The following KLRF2 variants were observed in gnomAD, a reference collection of about 807,000 sequenced individuals.
KLRF2 encodes killer cell lectin like receptor F2, also known as killer cell lectin-like receptor subfamily F member 2.
Under a neutral mutation model 25.3 loss-of-function variants are expected in KLRF2, and 28 were observed. That is an observed-to-expected ratio of 1.11 (90% CI 0.82 to 1.52). The LOEUF (loss-of-function observed/expected upper bound fraction) is 1.52, where lower values mean the gene tolerates loss of function less well. KLRF2 is among the 40% of genes most tolerant of loss of function. KLRF2 has a pLI of 0.00. For missense variants in KLRF2, 265 were observed against 245.8 expected (o/e 1.08, Z -0.52); for synonymous variants, 73 against 85.0 (o/e 0.86, Z 0.78).
At chr12:9,888,874 C>A in intron 3 of KLRF2, 94 bp downstream of exon 3, 3 of 655,120 alleles carry the variant, frequency 4.6e-6, no homozygotes, top group South Asian at 4.0e-5. Context: ...ACACAGTAAG[C>A]CAACAGCACT....
intron 1 of KLRF2, among the ~76,000 whole-genome samples, chr12:9,882,152 T>C (rs1030370013): frequency 6.6e-6 from 1 of 152,194 alleles, no homozygotes; most frequent in Non-Finnish European, 1.5e-5. Context: ...TTAGGGCTGC[T>C]CTGTGGTTGG....
intron 3 of KLRF2, among the ~76,000 whole-genome samples, chr12:9,892,529 C>T (rs1042486012): frequency 4.0e-5 from 6 of 151,476 alleles, no homozygotes; most frequent in South Asian, 2.1e-4. Context: ...AAACCCTGCC[C>T]GACTCCTGGA....
At position 9,893,522 on chromosome 12, in the gene KLRF2, C is replaced by A. The variant is rs1401186753; in HGVS notation, c.460C>A (p.His154Asn). 7 of 1,483,940 alleles carry A rather than the reference C, an allele frequency of 4.7e-6. No homozygotes were observed. Among genetic ancestry groups the A allele is most frequent in the Non-Finnish European group, 5.4e-6 (6 of 1,104,328 alleles). 91.9% of individuals were successfully genotyped at this position (1,483,940 alleles called of 1,614,324 possible). A position where few individuals can be genotyped will look rare whatever the true frequency, so the allele number is the denominator to read the frequency against. ...QGNLWMWIDE[H>N]FLVPELFSVI... is the part of the protein sequence containing the mutation. Reference sequence around the variant, plus strand: ...GAACCTATGGATGTGGATAGATGAACACTTTTTAGTTCCAGAATTGTGAGT... The same window carrying A: ...GAACCTATGGATGTGGATAGATGAAAACTTTTTAGTTCCAGAATTGTGAGT... The change falls in exon 5 of 6, where the codon CAC becomes AAC. Residue 154 changes from histidine to asparagine, a missense_variant. Physicochemically the swap from His to Asn is moderately conservative, Grantham distance 68. Transcript: ENST00000535540.
chr12:9,893,593 A>G (rs1862713749), intron 5 of KLRF2, 52 bp downstream of exon 5: 1 of 619,098 alleles, frequency 1.6e-6, no homozygotes, highest in Non-Finnish European at 2.6e-6. Context: ...AATTATTTTT[A>G]TATTAAACTT....
At chr12:9,881,720 G>T in intron 1 of KLRF2, 55 bp downstream of exon 1, 1 of 1,211,860 alleles carries the variant, frequency 8.3e-7, no homozygotes, top group Non-Finnish European at 1.2e-6. Flanking sequence ...CTTCTAGGAA[G>T]AGAATTATCT....
At chr12:9,892,635 A>T (rs1427293540) in intron 3 of KLRF2, among the ~76,000 whole-genome samples, 1 of 119,206 alleles carries the variant, frequency 8.4e-6, no homozygotes, top group African/African-American at 3.3e-5. Flanking sequence ...CCCAGGCTGG[A>T]GTGTAATGGC....
intron 1 of KLRF2, among the ~76,000 whole-genome samples, chr12:9,883,976 A>G (rs1868122511): frequency 6.6e-6 from 1 of 152,162 alleles, no homozygotes; most frequent in Admixed American, 6.5e-5. Flanking sequence ...AATAGGGAAT[A>G]ATTATCAGAG....
At chr12:9,894,109 CTTT>C (rs1168422390) in intron 5 of KLRF2, among the ~76,000 whole-genome samples, 3 of 136,376 alleles carry the variant, frequency 2.2e-5, no homozygotes, top group African/African-American at 8.5e-5. Context: ...CTCTCTTTTT[CTTT>C]TTCTTTCTTT....
In KLRF2 at chr12:9,885,039, A is replaced by C. The variant is rs1304084970; in HGVS notation, c.169+7A>C. 9 of 1,124,312 alleles carry C rather than the reference A, an allele frequency of 8.0e-6. No homozygotes were observed. Among genetic ancestry groups the C allele is most frequent in the Non-Finnish European group, 9.2e-6 (8 of 871,312 alleles). 69.6% of individuals were successfully genotyped at this position (1,124,312 alleles called of 1,614,324 possible). ...ATTGACCTGAAGTTCTGGCGTGAGTAGTAAATTTTTATTTATTTGAACATT... is the reference window on the plus strand; with the variant it reads ...ATTGACCTGAAGTTCTGGCGTGAGTCGTAAATTTTTATTTATTTGAACATT... On this transcript the variant is annotated splice_region_variant and intron_variant, in intron 2 of 5. Transcript: ENST00000535540.
intron 3 of KLRF2, 97 bp downstream of exon 3, chr12:9,888,877 A>G: frequency 4.6e-6 from 3 of 646,912 alleles, no homozygotes; most frequent in East Asian, 2.8e-5. Flanking sequence ...CAGTAAGCCA[A>G]CAGCACTGGT....
intron 2 of KLRF2, among the ~76,000 whole-genome samples, chr12:9,886,462 C>A (rs915506898): frequency 1.7e-4 from 26 of 151,796 alleles, no homozygotes; most frequent in African/African-American, 3.9e-4. Flanking sequence ...ATGGGGAGAA[C>A]CTTAGTTCAA....
Position 9,893,023 on chromosome 12 carries a change from A to G in KLRF2, c.221A>G (p.His74Arg). The G allele has an allele frequency of 6.5e-7, 1 of 1,534,724 alleles. No individual in the cohort carries two copies. ...TTTCCCCTATGTTTTCCTTTAGGACACAATTACTTGTGCCCAAATGACTGG... is the reference window on the plus strand; with the variant it reads ...TTTCCCCTATGTTTTCCTTTAGGACGCAATTACTTGTGCCCAAATGACTGG... Reference protein sequence around the residue: ...QNVNVSSLSGHNYLCPNDWLL... With the variant: ...QNVNVSSLSGRNYLCPNDWLL... The change falls in exon 4 of 6, where the codon CAC becomes CGC. Residue 74 changes from histidine to arginine, a missense_variant. Coordinates refer to ENST00000535540, the MANE Select transcript of KLRF2 (RefSeq NM_001190765.1).
At chr12:9,889,575 C>A (rs111981609) in intron 3 of KLRF2, among the ~76,000 whole-genome samples, 1 of 151,810 alleles carries the variant, frequency 6.6e-6, no homozygotes, top group South Asian at 2.1e-4. Flanking sequence ...CTATTCTGTG[C>A]GTTTTGGACT....
chr12:9,895,568 AAAC>A, intron 5 of KLRF2, 118 bp from the exon 6 acceptor site: 2 of 884,818 alleles, frequency 2.3e-6, no homozygotes, highest in Non-Finnish European at 3.3e-6. Flanking sequence ...TTCCATTCTA[AAAC>A]CTCTGCAAAA....
In KLRF2 at chr12:9,884,983, C is replaced by T. The variant is rs1868134525; in HGVS notation, c.120C>T (p.Cys40=). 1.5e-6 allele frequency: 2 copies of T among 1,345,518 alleles called. No homozygotes were observed. Among genetic ancestry groups the T allele is most frequent in the African/African-American group, 3.0e-5 (2 of 66,310 alleles). 83.3% of individuals were successfully genotyped at this position (1,345,518 alleles called of 1,614,324 possible). Residue 40 remains cysteine (C), a synonymous_variant, in exon 2 of 6, where the codon TGC becomes TGT. Transcript: ENST00000535540. The part of the protein sequence containing the change: ...QYYCLLLIFG[C]IVILIFIMTG... Reference sequence around the variant, plus strand: ...ATTGTCTTCTGCTCATATTTGGATGCATTGTGATCCTTATATTCATTATGA... The same window carrying T: ...ATTGTCTTCTGCTCATATTTGGATGTATTGTGATCCTTATATTCATTATGA...
At chr12:9,884,797 T>C in intron 1 of KLRF2, 137 bp from the exon 2 acceptor site, 1 of 376,720 alleles carries the variant, frequency 2.7e-6, no homozygotes, top group Non-Finnish European at 4.7e-6. Context: ...CTAGACTTTT[T>C]ATTTTTAGAT....
chr12:9,881,877 T>C (rs1868098062), intron 1 of KLRF2, among the ~76,000 whole-genome samples: 1 of 152,146 alleles, frequency 6.6e-6, no homozygotes, highest in African/African-American at 2.4e-5. Context: ...AATGCGAATA[T>C]GACGATGTGT....
rs571670920 is a variant in KLRF2 at position 9,891,161 on chromosome 12, A to T, written c.218-1859A>T. On this transcript the variant is annotated intron_variant, in intron 3 of 5. Coordinates refer to ENST00000535540, the MANE Select transcript of KLRF2 (RefSeq NM_001190765.1). ...CCTGGTGTCATTTAACTCTACAAAG[A>T]TATTTTAGAAACTAAGTGTATATAA... 3.3e-5 allele frequency among the ~76,000 whole-genome samples: 5 copies of T among 152,096 alleles called. No homozygotes were observed. In the South Asian group the frequency reaches 1.0e-3, roughly 32 times the overall value.
At chr12:9,891,430 C>G (rs1862674967) in intron 3 of KLRF2, among the ~76,000 whole-genome samples, 1 of 152,166 alleles carries the variant, frequency 6.6e-6, no homozygotes, top group Non-Finnish European at 1.5e-5. Flanking sequence ...CTACACTCAT[C>G]ATTTGGAGTA....
Sources: allele counts gnomAD v4.1 joint callset (sites outside exome capture counted in the v4.1 genomes callset), GRCh38; gene constraint gnomAD v4.1.1; transcripts MANE v1.5; gene names NCBI Gene and HGNC (gene_info 2026-07-23, HGNC 2026-07-21).